The following PPFIBP2 variants were observed in gnomAD, a reference collection of about 807,000 sequenced individuals.
PPFIBP2 encodes liprin-beta-2.
Under a neutral mutation model 118.3 loss-of-function variants are expected in PPFIBP2, and 118 were observed. The ratio of observed to expected loss-of-function variants is 1.00; its 90% confidence interval spans 0.86 to 1.16. PPFIBP2 has a LOEUF of 1.16. PPFIBP2 is among the 50% of genes most tolerant of loss of function. PPFIBP2 has a pLI of 0.00. For synonymous variants in PPFIBP2, 414 were observed against 397.4 expected (o/e 1.04, Z -0.50); for missense variants, 1,195 against 1,073.1 (o/e 1.11, Z -1.59).
chr11:7,617,570 G>T (rs558136258), intron 6 of PPFIBP2, among the ~76,000 whole-genome samples: 35 of 152,292 alleles, frequency 2.3e-4, no homozygotes, highest in African/African-American at 7.7e-4. Context: ...TGCTCCGAGT[G>T]ATGGGGCATT....
intron 1 of PPFIBP2, among the ~76,000 whole-genome samples, chr11:7,528,998 A>G (rs542598851): frequency 3.3e-5 from 5 of 152,254 alleles, no homozygotes; most frequent in African/African-American, 7.2e-5. Flanking sequence ...GGTCCTTCAG[A>G]CTTCCTAATG....
chr11:7,603,164 G>A (rs1432508135), intron 5 of PPFIBP2, among the ~76,000 whole-genome samples: 2 of 152,204 alleles, frequency 1.3e-5, no homozygotes, highest in Admixed American at 1.3e-4. Context: ...AGGTGGGTAA[G>A]ACAGTGATTC....
the PPFIBP2 span, chr11:7,665,766 G>A: frequency 4.3e-6 from 6 of 1,398,074 alleles, no homozygotes; most frequent in Non-Finnish European, 5.8e-6. Flanking sequence ...GGACCCTGAA[G>A]CCCTGCTGCT....
At chr11:7,599,797 ATTTTTTTTT>A (rs1200161212) in intron 5 of PPFIBP2, among the ~76,000 whole-genome samples, 1 of 117,410 alleles carries the variant, frequency 8.5e-6, no homozygotes, top group Non-Finnish European at 1.7e-5. Context: ...CGCCCGGCTA[ATTTTTTTTT>A]TTTTTTTTTT....
intron 1 of PPFIBP2, among the ~76,000 whole-genome samples, chr11:7,527,605 ATAG>A (rs1189207945): frequency 6.6e-6 from 1 of 152,158 alleles, no homozygotes; most frequent in Non-Finnish European, 1.5e-5. Flanking sequence ...ACTCAAACAG[ATAG>A]TAGTAACTGC....
intron 1 of PPFIBP2, among the ~76,000 whole-genome samples, chr11:7,523,450 C>A (rs1849943784): frequency 6.6e-6 from 1 of 152,188 alleles, no homozygotes; most frequent in African/African-American, 2.4e-5. Flanking sequence ...TCAAACTTCC[C>A]TTTCTCTTTT....
chr11:7,572,297 C>T (rs1398460656), intron 3 of PPFIBP2, among the ~76,000 whole-genome samples: 1 of 152,192 alleles, frequency 6.6e-6, no homozygotes. Context: ...TTTTGAATGC[C>T]CTTTTCCTGA....
intron 8 of PPFIBP2, among the ~76,000 whole-genome samples, chr11:7,626,524 T>C (rs77250320): frequency 0.06 from 9,191 of 152,316 alleles, 324 homozygotes; most frequent in Middle Eastern, 0.099. Context: ...AAGGACTATA[T>C]TTTTCTTGTT....
chr11:7,535,711 G>A (rs779455766), intron 1 of PPFIBP2, among the ~76,000 whole-genome samples: 3 of 152,186 alleles, frequency 2.0e-5, no homozygotes, highest in Non-Finnish European at 4.4e-5. Flanking sequence ...CAGCTCATGC[G>A]TTCAGACTGC....
At chr11:7,594,730 A>T (rs1260011033) in intron 4 of PPFIBP2, among the ~76,000 whole-genome samples, 2 of 151,222 alleles carry the variant, frequency 1.3e-5, no homozygotes, top group African/African-American at 2.4e-5. Flanking sequence ...CAGCTTGACC[A>T]GCATGGTGAA....
intron 2 of PPFIBP2, among the ~76,000 whole-genome samples, chr11:7,556,324 G>A (rs547817164): frequency 7.9e-5 from 12 of 152,166 alleles, no homozygotes; most frequent in South Asian, 2.1e-4. Context: ...GTGTGGTGGC[G>A]GGCACTTGTA....
At chr11:7,655,560 G>C (rs1471415348), downstream of PPFIBP2, 2 of 1,204,398 alleles carry the variant, frequency 1.7e-6, no homozygotes, top group Non-Finnish European at 2.2e-6. Context: ...TGAGTTTGGT[G>C]TGGTGTGGTG....
chr11:7,519,583 G>A (rs777703270), intron 1 of PPFIBP2, among the ~76,000 whole-genome samples: 10 of 152,170 alleles, frequency 6.6e-5, no homozygotes, highest in Non-Finnish European at 1.2e-4. Flanking sequence ...AGGTTTGCAG[G>A]TTTTTTATGA....
At chr11:7,649,919 G>C (rs1853722668) in intron 21 of PPFIBP2, among the ~76,000 whole-genome samples, 1 of 152,216 alleles carries the variant, frequency 6.6e-6, no homozygotes, top group Non-Finnish European at 1.5e-5. Flanking sequence ...AGGAGATGAG[G>C]AGATGGTGCA....
At chr11:7,631,130 G>A (rs1850706282) in intron 11 of PPFIBP2, 102 bp downstream of exon 11, 1 of 859,956 alleles carries the variant, frequency 1.2e-6, no homozygotes, top group Non-Finnish European at 1.9e-6. Flanking sequence ...TGCACATCTT[G>A]GCAGGTGAAT....
intron 9 of PPFIBP2, among the ~76,000 whole-genome samples, chr11:7,628,604 GA>G (rs111260375): frequency 5.9e-4 from 90 of 152,120 alleles, no homozygotes; most frequent in South Asian, 4.2e-4. Context: ...GGTGTGGGGG[GA>G]AAAAAATACT....
In PPFIBP2 at chr11:7,549,788, C is replaced by A. The variant is rs377497472; in HGVS notation, c.64+249C>A. 6.6e-5 allele frequency among the ~76,000 whole-genome samples: 10 copies of A among 152,212 alleles called. No individual in the cohort carries two copies. The South Asian group carries it at 2.1e-3, about 32-fold the overall frequency. On this transcript the variant is annotated intron_variant, in intron 2 of 23. Transcript: ENST00000299492. ...TGTGGATGTACCTACCATCTACCGT[C>A]TCAGTTTGGATTCTGGCTGTGAGGC...
intron 9 of PPFIBP2, among the ~76,000 whole-genome samples, chr11:7,629,004 T>G (rs1400053804): frequency 6.6e-6 from 1 of 152,210 alleles, no homozygotes; most frequent in Non-Finnish European, 1.5e-5. Context: ...GCCTTTGCCT[T>G]GAAAGAAACG....
At chr11:7,552,159 T>A (rs1420486646) in intron 2 of PPFIBP2, among the ~76,000 whole-genome samples, 1 of 152,232 alleles carries the variant, frequency 6.6e-6, no homozygotes, top group Admixed American at 6.5e-5. Flanking sequence ...ACTACTTGTT[T>A]GAAAACCTAG....
Sources: allele counts gnomAD v4.1 joint callset (sites outside exome capture counted in the v4.1 genomes callset), GRCh38; gene constraint gnomAD v4.1.1; transcripts MANE v1.5; gene names NCBI Gene and HGNC (gene_info 2026-07-23, HGNC 2026-07-21).